Variants in CCNI observed in about 807,000 individuals in gnomAD.
The protein encoded by CCNI is cyclin-I.
A neutral mutation model predicts 34.1 loss-of-function variants in CCNI; 14 were observed. The observed-to-expected ratio is 0.41, with a 90% CI of 0.27 to 0.64. CCNI has a LOEUF of 0.64. CCNI is among the 30% of genes least tolerant of loss of function. The pLI, the probability that CCNI is intolerant of heterozygous loss-of-function variation, is 0.31. For missense variants in CCNI, 385 were observed against 440.5 expected (o/e 0.87, Z 1.13); for synonymous variants, 154 against 158.4 (o/e 0.97, Z 0.21).
rs1349606356 is a variant in CCNI at position 77,072,888 on chromosome 4, G to A, written c.-44+2584C>T. Among the ~76,000 whole-genome samples, 4 of 152,214 alleles carry A rather than the reference G, an allele frequency of 2.6e-5. No homozygotes were observed. The South Asian group carries it at 8.3e-4, about 32-fold the overall frequency. On this transcript the variant is annotated intron_variant, in intron 1 of 6. Coordinates refer to ENST00000237654, the MANE Select transcript of CCNI (RefSeq NM_006835.3). ...TTAGCAGTATAGGGTCATAATGTAT[G>A]TTCCACATAAAAGAACAAAAGACAA...
intron 6 of CCNI, among the ~76,000 whole-genome samples, chr4:77,049,997 C>T (rs1727719388): frequency 1.3e-5 from 2 of 152,128 alleles, no homozygotes; most frequent in Non-Finnish European, 2.9e-5. Context: ...ATAAGCTAAA[C>T]TGCTTAGTTT....
At chr4:77,069,860 T>G (rs1465153643) in intron 1 of CCNI, among the ~76,000 whole-genome samples, 1 of 151,974 alleles carries the variant, frequency 6.6e-6, no homozygotes, top group Admixed American at 6.6e-5. Context: ...TACCAAAATC[T>G]AATCTCTTTC....
In CCNI at chr4:77,047,514, T is replaced by A. The variant is rs1193325211; in HGVS notation, c.*705A>T. ...GATATATTTATCACAAATTCTTTTATACAAATGTCGAAAATGCTTTCAACA... is the reference window on the plus strand; with the variant it reads ...GATATATTTATCACAAATTCTTTTAAACAAATGTCGAAAATGCTTTCAACA... On this transcript the variant is annotated 3_prime_UTR_variant, in exon 7 of 7. Transcript: ENST00000237654. 1 of 152,196 alleles carries A rather than the reference T, an allele frequency of 6.6e-6. No individual in the cohort carries two copies. The highest frequency in any genetic ancestry group is 1.5e-5 in the Non-Finnish European group (1 of 68,034). The allele number at this position is 152,196 out of a possible 1,614,324, so 9.4% of individuals were successfully genotyped here.
chr4:77,049,958 C>T (rs930593541), intron 6 of CCNI, among the ~76,000 whole-genome samples: 2 of 152,122 alleles, frequency 1.3e-5, no homozygotes, highest in Admixed American at 6.5e-5. Flanking sequence ...TCCCTGCTCT[C>T]TCCAGCGGCA....
intron 6 of CCNI, among the ~76,000 whole-genome samples, chr4:77,051,644 CA>C (rs1727845885): frequency 6.6e-6 from 1 of 151,934 alleles, no homozygotes; most frequent in Non-Finnish European, 1.5e-5. Context: ...TATAAGACAC[CA>C]AAATAATTTG....
At chr4:77,060,710 G>A (rs548308938) in intron 2 of CCNI, among the ~76,000 whole-genome samples, 3 of 151,424 alleles carry the variant, frequency 2.0e-5, no homozygotes, top group South Asian at 2.1e-4. Flanking sequence ...TGCAGCCTCC[G>A]CCTCCTAGGT....
At chr4:77,053,748 T>C (rs1728028421) in intron 6 of CCNI, among the ~76,000 whole-genome samples, 2 of 152,220 alleles carry the variant, frequency 1.3e-5, no homozygotes, top group Admixed American at 6.5e-5. Context: ...AGCCTATTCC[T>C]CTACTTCACA....
In CCNI at chr4:77,048,277, G is replaced by A. The variant is rs1388728894; in HGVS notation, c.1076C>T (p.Ser359Leu). Residue 359 changes from serine to leucine, a missense_variant, in exon 7 of 7, where the codon TCA (serine) becomes TTA (leucine). Transcript: ENST00000237654. ...AGGGGAAGCATGTCCCTCTTGTCTT[G>A]ATAAATCAGTGCCACACACAGAACC... is the stretch of plus-strand genomic sequence containing the variant. ...NVGSVCGTDLSRQEGHASPCP... is the reference protein window; with the variant it reads ...NVGSVCGTDLLRQEGHASPCP... 6 of 1,614,104 alleles carry A rather than the reference G, an allele frequency of 3.7e-6. No individual in the cohort carries two copies.
At chr4:77,071,633 G>C (rs1415957678) in intron 1 of CCNI, among the ~76,000 whole-genome samples, 1 of 151,990 alleles carries the variant, frequency 6.6e-6, no homozygotes, top group Non-Finnish European at 1.5e-5. Context: ...AAAATACAGA[G>C]GACAAATTAC....
At chr4:77,054,841 A>G (rs975460167) in intron 6 of CCNI, among the ~76,000 whole-genome samples, 7 of 152,230 alleles carry the variant, frequency 4.6e-5, no homozygotes, top group Admixed American at 2.6e-4. Flanking sequence ...ATTAAAACCT[A>G]CAGATGTAGC....
rs540373507 is a variant in CCNI, at chr4:77,060,599, G to A, written c.115-1964C>T. Among the ~76,000 whole-genome samples the A allele has an allele frequency of 6.0e-5, 9 of 149,806 alleles. 1 individual carries two copies. The East Asian group carries it at 1.2e-3, about 20-fold the overall frequency. ...CAGCATCCTGAAGTAGCTAGGACCA[G>A]AGGTACGTGCCACCAGGCCCGGCTA... On this transcript the variant is annotated intron_variant, in intron 2 of 6. Transcript: ENST00000237654.
chr4:77,050,839 T>TA (rs11384050), intron 6 of CCNI, among the ~76,000 whole-genome samples: 43,726 of 141,304 alleles, frequency 0.31, 6,472 homozygotes, highest in East Asian at 0.41. Flanking sequence ...TTAGGAAGCC[T>TA]AAAAAAAAAA....
At chr4:77,063,459 A>G (rs1049458424) in intron 2 of CCNI, among the ~76,000 whole-genome samples, 5 of 150,568 alleles carry the variant, frequency 3.3e-5, no homozygotes, top group Admixed American at 6.6e-5. Context: ...AGCACTTTGG[A>G]AGGCCGGATC....
At chr4:77,055,655 C>G (rs1728170586) in intron 5 of CCNI, among the ~76,000 whole-genome samples, 2 of 151,942 alleles carry the variant, frequency 1.3e-5, no homozygotes, top group Admixed American at 1.3e-4. Context: ...TTAGTAGAGA[C>G]AGGGTTTCAC....
intron 5 of CCNI, 79 bp from the exon 6 acceptor site, chr4:77,055,459 A>AATTT: frequency 9.4e-6 from 9 of 958,146 alleles, no homozygotes; most frequent in Non-Finnish European, 1.2e-5. Flanking sequence ...CAACCTATTC[A>AATTT]ATTTCTTTTT....
chr4:77,066,059 C>T (rs992630504), intron 2 of CCNI, 190 bp downstream of exon 2: 16 of 527,174 alleles, frequency 3.0e-5, no homozygotes, highest in African/African-American at 2.5e-4. Flanking sequence ...TGAGATCATG[C>T]CACAGCACTC....
Position 77,056,286 on chromosome 4 carries a change from C to G in CCNI, c.281G>C (p.Cys94Ser). 1 of 1,613,778 alleles carries G rather than the reference C, an allele frequency of 6.2e-7. No homozygotes were observed. Among genetic ancestry groups the G allele is most frequent in the Non-Finnish European group, 8.5e-7 (1 of 1,179,746 alleles). Reference sequence around the variant, plus strand: ...AACAGTCTTGGCAGCTAGGAAAAAACAGCTGATTGCAATACAACTCAAGTA... The same window carrying G: ...AACAGTCTTGGCAGCTAGGAAAAAAGAGCTGATTGCAATACAACTCAAGTA... ...PKYLSCIAIS[C>S]FFLAAKTVEE... The change falls in exon 4 of 7, where the codon TGT becomes TCT. Residue 94 changes from cysteine (C) to serine (S), a missense_variant. Coordinates refer to ENST00000237654, the MANE Select transcript of CCNI (RefSeq NM_006835.3).
chr4:77,066,045 G>A (rs1035090003), intron 2 of CCNI: 2 of 484,586 alleles, frequency 4.1e-6, no homozygotes, highest in Non-Finnish European at 7.3e-6. Flanking sequence ...GGGTTGCAGT[G>A]AGCTGAGATC....
Position 77,066,402 on chromosome 4 carries a change from C to A in CCNI, c.-40G>T. On this transcript the variant is annotated 5_prime_UTR_variant, in exon 2 of 7. Coordinates refer to ENST00000237654, the MANE Select transcript of CCNI (RefSeq NM_006835.3). ...CTGCCTGCTACCCAGCTTGCTGTAG[C>A]TACCTACAGAATCAAGTAAGTTTTA... 6.2e-7 allele frequency: 1 copy of A among 1,611,052 alleles called. No individual in the cohort carries two copies. The highest frequency in any genetic ancestry group is 8.5e-7 in the Non-Finnish European group (1 of 1,178,616).
Sources: allele counts gnomAD v4.1 joint callset (sites outside exome capture counted in the v4.1 genomes callset), GRCh38; gene constraint gnomAD v4.1.1; transcripts MANE v1.5; gene names NCBI Gene and HGNC (gene_info 2026-07-23, HGNC 2026-07-21).